The following CCDC148 variants were observed in gnomAD, a reference collection of about 807,000 sequenced individuals.
The protein encoded by CCDC148 is coiled-coil domain containing 148.
CCDC148 carries 89 observed loss-of-function variants against 85.7 expected under a neutral mutation model. The observed-to-expected ratio is 1.04, with a 90% CI of 0.87 to 1.24. The LOEUF (loss-of-function observed/expected upper bound fraction) is 1.24. Ranked by LOEUF, CCDC148 falls within the 50% of genes most tolerant of loss-of-function variation. The pLI is 0.00. For missense variants in CCDC148, 692 were observed against 671.7 expected (o/e 1.03, Z -0.33); for synonymous variants, 230 against 213.9 (o/e 1.08, Z -0.66).
intron 1 of CCDC148, among the ~76,000 whole-genome samples, chr2:158,381,573 T>C (rs1243284041): frequency 6.6e-6 from 1 of 152,186 alleles, no homozygotes; most frequent in African/African-American, 2.4e-5. Flanking sequence ...TCATCTACTA[T>C]GACCTAGCCA....
At chr2:158,449,608 C>T (rs898312763) in intron 1 of CCDC148, among the ~76,000 whole-genome samples, 11 of 152,124 alleles carry the variant, frequency 7.2e-5, no homozygotes, top group African/African-American at 2.7e-4. Flanking sequence ...ACCACCATGC[C>T]AAGCTAATTT....
chr2:158,197,467 C>T (rs543888069), intron 11 of CCDC148, among the ~76,000 whole-genome samples: 2 of 152,162 alleles, frequency 1.3e-5, no homozygotes, highest in East Asian at 3.9e-4. Flanking sequence ...ACTAAGGTTA[C>T]CCCAAGTAAA....
intron 13 of CCDC148, among the ~76,000 whole-genome samples, chr2:158,175,616 A>T (rs1017635840): frequency 6.6e-6 from 1 of 152,002 alleles, no homozygotes. Context: ...TCTTGCTCTG[A>T]TGTAGCCCAG....
At chr2:158,455,598 C>CAAAA (rs1688623129) in intron 1 of CCDC148, among the ~76,000 whole-genome samples, 1 of 149,464 alleles carries the variant, frequency 6.7e-6, no homozygotes, top group East Asian at 2.0e-4. Context: ...TCAGCTTTTT[C>CAAAA]ACACAATATG....
intron 1 of CCDC148, among the ~76,000 whole-genome samples, chr2:158,412,042 C>T (rs769276371): frequency 2.0e-5 from 3 of 152,122 alleles, no homozygotes; most frequent in Non-Finnish European, 4.4e-5. Context: ...CTGTGTGCAG[C>T]TCTGTCAGCT....
chr2:158,387,467 T>G lies in CCDC148; in HGVS notation c.26-28897A>C, dbSNP rs146516691. Among the ~76,000 whole-genome samples, 696 of 152,106 alleles carry G rather than the reference T, an allele frequency of 4.6e-3. 1 individual carries two copies. The highest frequency in any genetic ancestry group is 0.015 in the African/African-American group (634 of 41,488). The stretch of plus-strand genomic sequence containing the variant: ...TCTTTTATTTGATCAACTCCCTATA[T>G]AAAATCTCATCCCTCATCTATAATA... On this transcript the variant is annotated intron_variant, in intron 1 of 13. Coordinates refer to ENST00000283233, the MANE Select transcript of CCDC148 (RefSeq NM_138803.4).
Position 158,450,912 on chromosome 2 carries a change from C to A in CCDC148, c.25+5503G>T, listed in dbSNP as rs186686762. Among the ~76,000 whole-genome samples, 17 of 152,218 alleles carry A rather than the reference C, an allele frequency of 1.1e-4. No individual in the cohort carries two copies. The East Asian group carries it at 3.1e-3, about 28-fold the overall frequency. Reference sequence around the variant, plus strand: ...TTCTATACCCTTCTATCCCTCCTTTCCTCCTGGGGCTCCCAGCATAAATTG... The same window carrying A: ...TTCTATACCCTTCTATCCCTCCTTTACTCCTGGGGCTCCCAGCATAAATTG... On this transcript the variant is annotated intron_variant, in intron 1 of 13. Transcript: ENST00000283233.
intron 1 of CCDC148, among the ~76,000 whole-genome samples, chr2:158,454,825 C>A (rs949228949): frequency 6.6e-6 from 1 of 152,160 alleles, no homozygotes; most frequent in Admixed American, 6.5e-5. Context: ...AACCTTTCAA[C>A]TAAATACAAA....
chr2:158,407,090 C>T (rs372272424), intron 1 of CCDC148, among the ~76,000 whole-genome samples: 2 of 152,116 alleles, frequency 1.3e-5, no homozygotes, highest in South Asian at 2.1e-4. Flanking sequence ...TGGATCTCAA[C>T]TCTAAGACCT....
At chr2:158,200,013 T>C (rs1396109020) in intron 11 of CCDC148, among the ~76,000 whole-genome samples, 3 of 152,124 alleles carry the variant, frequency 2.0e-5, no homozygotes, top group African/African-American at 4.8e-5. Flanking sequence ...AAACTAGTCA[T>C]TGTGGTAGTG....
At chr2:158,250,158 C>G (rs148173367) in intron 10 of CCDC148, among the ~76,000 whole-genome samples, 301 of 152,022 alleles carry the variant, frequency 2.0e-3, no homozygotes, top group African/African-American at 6.5e-3. Context: ...ATATTTAAAA[C>G]AAAACAACCC....
At chr2:158,391,260 T>C (rs1401547624) in intron 1 of CCDC148, among the ~76,000 whole-genome samples, 1 of 152,172 alleles carries the variant, frequency 6.6e-6, no homozygotes, top group African/African-American at 2.4e-5. Context: ...TAATAAAAAA[T>C]ATTTGTGCTC....
intron 9 of CCDC148, among the ~76,000 whole-genome samples, chr2:158,284,054 C>G (rs1318660282): frequency 6.9e-6 from 1 of 145,368 alleles, no homozygotes; most frequent in African/African-American, 2.5e-5. Flanking sequence ...CATATTCTCA[C>G]TCATACGTGG....
At chr2:158,414,046 A>G (rs1686383622) in intron 1 of CCDC148, among the ~76,000 whole-genome samples, 1 of 152,238 alleles carries the variant, frequency 6.6e-6, no homozygotes. Context: ...TGATACATCA[A>G]TAAAGGTCGA....
chr2:158,263,302 C>T (rs1455103704), intron 9 of CCDC148, among the ~76,000 whole-genome samples: 1 of 152,016 alleles, frequency 6.6e-6, no homozygotes, highest in Admixed American at 6.6e-5. Context: ...GGGCACCTAC[C>T]TGTTCTTTTT....
chr2:158,242,446 C>T (rs1201869393), intron 10 of CCDC148, among the ~76,000 whole-genome samples: 1 of 152,132 alleles, frequency 6.6e-6, no homozygotes, highest in Non-Finnish European at 1.5e-5. Context: ...CACACAGACA[C>T]AAACACTGAA....
chr2:158,286,415 T>C (rs1690628186), intron 9 of CCDC148, among the ~76,000 whole-genome samples: 2 of 152,248 alleles, frequency 1.3e-5, no homozygotes, highest in South Asian at 4.1e-4. Context: ...TTCTTTATTT[T>C]GCAAAGCTCT....
At chr2:158,420,434 A>C (rs1029589740) in intron 1 of CCDC148, among the ~76,000 whole-genome samples, 2 of 152,210 alleles carry the variant, frequency 1.3e-5, no homozygotes, top group African/African-American at 2.4e-5. Context: ...GCCAATATTC[A>C]ACATTCTTAA....
intron 11 of CCDC148, among the ~76,000 whole-genome samples, chr2:158,186,389 T>C (rs549404631): frequency 5.9e-5 from 9 of 152,196 alleles, no homozygotes; most frequent in African/African-American, 1.9e-4. Flanking sequence ...GGTCATGGCA[T>C]AGACTTAGAA....
Sources: gnomAD v4.1 joint callset for allele counts (sites outside exome capture counted in the v4.1 genomes callset) on GRCh38, gnomAD v4.1.1 for gene constraint, MANE v1.5 for transcripts, NCBI Gene and HGNC (gene_info 2026-07-23, HGNC 2026-07-21) for gene names.